The following OSBPL1A variants were observed in gnomAD, a reference collection of about 807,000 sequenced individuals.
OSBPL1A encodes oxysterol binding protein like 1A, also known as oxysterol-binding protein-related protein 1.
Under a neutral mutation model 137.1 loss-of-function variants are expected in OSBPL1A, and 80 were observed. The ratio of observed to expected loss-of-function variants is 0.58; its 90% CI spans 0.49 to 0.70. The LOEUF (loss-of-function observed/expected upper bound fraction) is 0.70. OSBPL1A is among the 30% of genes least tolerant of loss of function. The probability of loss-of-function intolerance (pLI) is 0.00; values close to 1 mark genes in which losing one functional copy is unlikely to be tolerated. For missense variants in OSBPL1A, 970 were observed against 1,129.4 expected, an observed-to-expected ratio of 0.86 and a Z score of 2.02; for synonymous variants, 365 against 389.7, an observed-to-expected ratio of 0.94 and a Z score of 0.75.
At chr18:24,300,484 G>A (rs1050187036) in intron 14 of OSBPL1A, among the ~76,000 whole-genome samples, 1 of 152,188 alleles carries the variant, frequency 6.6e-6, no homozygotes, top group African/African-American at 2.4e-5. Context: ...GTACTTTACA[G>A]AATCTGAGTT....
intron 10 of OSBPL1A, 42 bp downstream of exon 10, chr18:24,317,285 T>C: frequency 6.2e-7 from 1 of 1,608,158 alleles, no homozygotes; most frequent in Non-Finnish European, 8.5e-7. Flanking sequence ...TTTCAAAATT[T>C]ATACAGTGAA....
At chr18:24,273,453 T>C (rs1429084569) in intron 15 of OSBPL1A, among the ~76,000 whole-genome samples, 1 of 152,230 alleles carries the variant, frequency 6.6e-6, no homozygotes, top group Non-Finnish European at 1.5e-5. Context: ...TGCCAGGTAC[T>C]GTACTGAAGC....
Position 24,303,671 on chromosome 18 carries a change from A to G in OSBPL1A, c.1140T>C (p.Phe380=), listed in dbSNP as rs1375463899. 1 of 1,613,562 alleles carries G rather than the reference A, an allele frequency of 6.2e-7. No individual in the cohort carries two copies. Among genetic ancestry groups the G allele is most frequent in the African/African-American group, 1.3e-5 (1 of 74,904 alleles). Residue 380 remains phenylalanine, a synonymous_variant, in exon 14 of 28, where the codon TTT becomes TTC. Transcript: ENST00000319481. The part of the protein sequence containing the change: ...QQRLDREISN[F]LKMIKECDMA... ...TGTCACACTCCTTAATCATTTTGAGAAAGTTGGAAATTTCCCTATCTAGTC... is the reference window on the plus strand; with the variant it reads ...TGTCACACTCCTTAATCATTTTGAGGAAGTTGGAAATTTCCCTATCTAGTC...
chr18:24,351,414 A>G (rs924184906), intron 4 of OSBPL1A, among the ~76,000 whole-genome samples: 3 of 151,590 alleles, frequency 2.0e-5, no homozygotes, highest in Non-Finnish European at 4.4e-5. Flanking sequence ...GGATAATTAC[A>G]TGACATATAT....
chr18:24,351,347 C>CAAAAAAAAAAAAAAAAAAAAAA (rs1172514692), intron 4 of OSBPL1A, among the ~76,000 whole-genome samples: 32 of 35,762 alleles, frequency 8.9e-4, no homozygotes, highest in African/African-American at 1.5e-3. Context: ...GACTCTGTCT[C>CAAAAAAAAAAAAAAAAAAAAAA]AAAAAAAAAA....
chr18:24,169,774 G>A lies in OSBPL1A; in HGVS notation c.2418+553C>T, dbSNP rs1010240331. Among the ~76,000 whole-genome samples, 7 of 152,334 alleles carry A rather than the reference G, an allele frequency of 4.6e-5. No homozygotes were observed. In the East Asian group the frequency reaches 1.3e-3, roughly 29 times the overall value. On this transcript the variant is annotated intron_variant, in intron 24 of 27. Coordinates refer to ENST00000319481, the MANE Select transcript of OSBPL1A (RefSeq NM_080597.4). ...AGGAGTTTGCTAACCACTGGAGCCT[G>A]TTTGGGACCACGCGACAAGAAGCCA...
chr18:24,174,215 G>A (rs1001675815), intron 21 of OSBPL1A, among the ~76,000 whole-genome samples: 8 of 151,928 alleles, frequency 5.3e-5, no homozygotes, highest in African/African-American at 1.9e-4. Context: ...TGGGATGAAC[G>A]TAAGTTTCCA....
At chr18:24,272,813 A>C (rs1664303760) in intron 15 of OSBPL1A, among the ~76,000 whole-genome samples, 1 of 152,244 alleles carries the variant, frequency 6.6e-6, no homozygotes, top group Non-Finnish European at 1.5e-5. Context: ...AATGTGTTAA[A>C]GACCATTCCA....
chr18:24,277,265 T>C (rs2089863376), intron 15 of OSBPL1A, among the ~76,000 whole-genome samples: 1 of 151,306 alleles, frequency 6.6e-6, no homozygotes, highest in Non-Finnish European at 1.5e-5. Flanking sequence ...AAACATAAAA[T>C]TATGGTCTGA....
At chr18:24,285,187 C>T (rs1360144156) in intron 14 of OSBPL1A, among the ~76,000 whole-genome samples, 1 of 152,118 alleles carries the variant, frequency 6.6e-6, no homozygotes. Flanking sequence ...TCTCTGTGAC[C>T]CTCTGTAAAC....
intron 15 of OSBPL1A, among the ~76,000 whole-genome samples, chr18:24,270,870 C>T (rs2089701155): frequency 2.0e-5 from 3 of 152,174 alleles, no homozygotes; most frequent in African/African-American, 7.2e-5. Flanking sequence ...AATTAAGAAA[C>T]TTTTAATAGC....
chr18:24,243,963 C>T (rs1354872943), intron 15 of OSBPL1A, among the ~76,000 whole-genome samples: 1 of 152,194 alleles, frequency 6.6e-6, no homozygotes, highest in African/African-American at 2.4e-5. Context: ...GCCATTAGTA[C>T]TTTTTGGTCA....
chr18:24,367,091 A>C (rs2091713680), intron 3 of OSBPL1A, 125 bp from the exon 4 acceptor site: 1 of 725,272 alleles, frequency 1.4e-6, no homozygotes, highest in Non-Finnish European at 2.0e-6. Context: ...ACTAACAATA[A>C]ATTAAATTTA....
At chr18:24,261,341 T>G (rs1476394019) in intron 15 of OSBPL1A, among the ~76,000 whole-genome samples, 1 of 152,196 alleles carries the variant, frequency 6.6e-6, no homozygotes, top group Non-Finnish European at 1.5e-5. Flanking sequence ...ATTGTTGTGG[T>G]GACAGTTTCA....
chr18:24,204,310 T>C (rs988420037), intron 17 of OSBPL1A, among the ~76,000 whole-genome samples: 1 of 152,238 alleles, frequency 6.6e-6, no homozygotes, highest in East Asian at 1.9e-4. Context: ...ATTTTTCATA[T>C]GCTTAATGAC....
chr18:24,230,673 T>A (rs1348359853), intron 16 of OSBPL1A, among the ~76,000 whole-genome samples: 1 of 152,232 alleles, frequency 6.6e-6, no homozygotes, highest in Admixed American at 6.5e-5. Flanking sequence ...TTATTCTTTT[T>A]ATTTCCCACT....
chr18:24,357,250 C>T (rs1285170039), intron 4 of OSBPL1A: 4 of 152,102 alleles, frequency 2.6e-5, no homozygotes, highest in African/African-American at 9.7e-5. Context: ...GAGAAGTACA[C>T]AATTTTCAGG....
chr18:24,183,022 C>T (rs913769935), intron 18 of OSBPL1A, among the ~76,000 whole-genome samples: 1 of 151,972 alleles, frequency 6.6e-6, no homozygotes, highest in Non-Finnish European at 1.5e-5. Flanking sequence ...ATGTGCACCA[C>T]CAGACCTGGA....
At chr18:24,290,914 C>T (rs1243382012) in intron 14 of OSBPL1A, among the ~76,000 whole-genome samples, 4 of 152,024 alleles carry the variant, frequency 2.6e-5, no homozygotes, top group Non-Finnish European at 5.9e-5. Context: ...GGTGGGAAAC[C>T]TGAGAAACTG....
Sources: gnomAD v4.1 joint callset for allele counts (sites outside exome capture counted in the v4.1 genomes callset) on GRCh38, gnomAD v4.1.1 for gene constraint, MANE v1.5 for transcripts, NCBI Gene and HGNC (gene_info 2026-07-23, HGNC 2026-07-21) for gene names.